The following SNTG1 variants were observed in gnomAD, a reference collection of about 807,000 sequenced individuals.
The protein encoded by SNTG1 is syntrophin gamma 1.
SNTG1 carries 39 observed loss-of-function variants against 74.7 expected under a neutral mutation model. That is an observed-to-expected ratio of 0.52 (90% confidence interval 0.40 to 0.68). The LOEUF (loss-of-function observed/expected upper bound fraction) is 0.68, where lower values mean the gene tolerates loss of function less well. Ranked by LOEUF, SNTG1 falls within the 30% of genes least tolerant of loss-of-function variation. SNTG1 has a pLI of 0.00. For synonymous variants in SNTG1, 254 were observed against 217.1 expected (o/e 1.17, Z -1.49); for missense variants, 685 against 609.5 (o/e 1.12, Z -1.30).
intron 9 of SNTG1, among the ~76,000 whole-genome samples, chr8:50,513,162 G>T (rs1223204275): frequency 6.6e-6 from 1 of 152,170 alleles, no homozygotes; most frequent in Non-Finnish European, 1.5e-5. Flanking sequence ...CTGGTCTGTT[G>T]GAGTTTGCTG....
chr8:50,610,094 A>G lies in SNTG1; in HGVS notation c.849+19177A>G, dbSNP rs189512164. Among the ~76,000 whole-genome samples, 221 of 152,150 alleles carry G rather than the reference A, an allele frequency of 1.5e-3. 2 individuals are homozygous for G. Among genetic ancestry groups the G allele is most frequent in the Middle Eastern group, 0.01 (3 of 294 alleles). On this transcript the variant is annotated intron_variant, in intron 13 of 18. Coordinates refer to ENST00000642720, the MANE Select transcript of SNTG1 (RefSeq NM_018967.5). The stretch of plus-strand genomic sequence containing the variant: ...AGATAATAAACGTTACCAATTCTGG[A>G]TTTTTGTCTGAAAATTTTTAATTGT...
intron 1 of SNTG1, among the ~76,000 whole-genome samples, chr8:49,916,329 G>A (rs1806030374): frequency 6.6e-6 from 1 of 152,080 alleles, no homozygotes; most frequent in African/African-American, 2.4e-5. Flanking sequence ...TCACCGTGAA[G>A]TTTCTTCAGC....
At chr8:50,390,251 A>G (rs1410860453) in intron 2 of SNTG1, among the ~76,000 whole-genome samples, 2 of 152,166 alleles carry the variant, frequency 1.3e-5, no homozygotes, top group Non-Finnish European at 2.9e-5. Flanking sequence ...ATCTTGAATT[A>G]ATTTTTGTAT....
At chr8:50,001,069 T>C (rs2130446051) in intron 1 of SNTG1, among the ~76,000 whole-genome samples, 1 of 152,178 alleles carries the variant, frequency 6.6e-6, no homozygotes, top group Non-Finnish European at 1.5e-5. Flanking sequence ...GGGAAAAGAG[T>C]CCAGGGTGAG....
intron 1 of SNTG1, among the ~76,000 whole-genome samples, chr8:50,075,793 G>A (rs1034427836): frequency 6.6e-6 from 1 of 152,018 alleles, no homozygotes; most frequent in African/African-American, 2.4e-5. Context: ...CTCCAGACGC[G>A]CCGCCTTAAG....
intron 12 of SNTG1, among the ~76,000 whole-genome samples, chr8:50,581,163 A>G (rs1007314828): frequency 7.9e-5 from 12 of 152,328 alleles, no homozygotes; most frequent in African/African-American, 2.9e-4. Flanking sequence ...AGCACATAAA[A>G]TTATAAGAAT....
At chr8:50,348,682 C>G (rs988807661) in intron 2 of SNTG1, among the ~76,000 whole-genome samples, 1 of 152,138 alleles carries the variant, frequency 6.6e-6, no homozygotes, top group African/African-American at 2.4e-5. Flanking sequence ...TAAAACCTTG[C>G]AAGCATATGA....
rs568367945 is a variant in SNTG1, at chr8:50,145,232, G to T, written c.-102-27329G>T. On this transcript the variant is annotated intron_variant, in intron 1 of 18. Coordinates refer to ENST00000642720, the MANE Select transcript of SNTG1 (RefSeq NM_018967.5). ...AGGGATTGAGGAGACTCTTCATCGA[G>T]TGCTAGTGGAGACAATGACTATAGA... 8.5e-5 allele frequency among the ~76,000 whole-genome samples: 13 copies of T among 152,250 alleles called. 1 individual carries two copies. The highest frequency in any genetic ancestry group is 2.9e-4 in the African/African-American group (12 of 41,554).
At chr8:50,758,198 G>T (rs769864723) in intron 18 of SNTG1, among the ~76,000 whole-genome samples, 1 of 151,754 alleles carries the variant, frequency 6.6e-6, no homozygotes, top group African/African-American at 2.4e-5. Flanking sequence ...AATCATAGTT[G>T]TTTCAAATGC....
At chr8:50,252,806 G>A (rs918496400) in intron 2 of SNTG1, among the ~76,000 whole-genome samples, 15 of 152,160 alleles carry the variant, frequency 9.9e-5, no homozygotes, top group African/African-American at 3.1e-4. Flanking sequence ...CAGGCCCTAC[G>A]TCCAACATTG....
chr8:50,689,218 T>C (rs1339614503), intron 15 of SNTG1, among the ~76,000 whole-genome samples: 1 of 152,158 alleles, frequency 6.6e-6, no homozygotes, highest in African/African-American at 2.4e-5. Flanking sequence ...TGACTTCCTC[T>C]TTTCCTAATT....
At chr8:50,504,024 T>C (rs929659913) in intron 9 of SNTG1, among the ~76,000 whole-genome samples, 4 of 152,100 alleles carry the variant, frequency 2.6e-5, no homozygotes, top group African/African-American at 9.7e-5. Context: ...ACAGTGTGTG[T>C]GGTTCTCCTC....
At chr8:49,923,822 G>A (rs1165284712) in intron 1 of SNTG1, among the ~76,000 whole-genome samples, 1 of 152,144 alleles carries the variant, frequency 6.6e-6, no homozygotes, top group Non-Finnish European at 1.5e-5. Flanking sequence ...TGAACAAGGA[G>A]ATCATTTATA....
chr8:50,629,343 C>A lies in SNTG1; in HGVS notation c.850-27566C>A, dbSNP rs956904899. 3.9e-5 allele frequency among the ~76,000 whole-genome samples: 6 copies of A among 152,008 alleles called. No individual in the cohort carries two copies. In the South Asian group the frequency reaches 1.2e-3, roughly 32 times the overall value. On this transcript the variant is annotated intron_variant, in intron 13 of 18. Transcript: ENST00000642720. ...AATAATATTTTCTGTTCGTCATCTC[C>A]TTTATGTTGTAGTAAGTTTACATAG...
intron 1 of SNTG1, among the ~76,000 whole-genome samples, chr8:50,087,325 A>G (rs1457320044): frequency 2.0e-5 from 3 of 152,162 alleles, no homozygotes; most frequent in African/African-American, 7.2e-5. Context: ...CTAGTGCTCA[A>G]TTACCCCTCG....
intron 13 of SNTG1, among the ~76,000 whole-genome samples, chr8:50,598,085 TG>T (rs1171908383): frequency 6.6e-6 from 1 of 151,936 alleles, no homozygotes; most frequent in Non-Finnish European, 1.5e-5. Flanking sequence ...CAATCCCATT[TG>T]TCTATTTTTG....
intron 1 of SNTG1, among the ~76,000 whole-genome samples, chr8:49,958,111 G>A (rs1341390376): frequency 6.6e-6 from 1 of 152,086 alleles, no homozygotes; most frequent in Non-Finnish European, 1.5e-5. Flanking sequence ...TAAATGTGGA[G>A]ACCACGAAAT....
chr8:50,781,768 G>A (rs962762068), intron 18 of SNTG1, among the ~76,000 whole-genome samples: 1 of 152,128 alleles, frequency 6.6e-6, no homozygotes. Context: ...TGGTTATTGT[G>A]CGCGTTCGTT....
chr8:50,213,118 A>G (rs889799135), intron 2 of SNTG1, among the ~76,000 whole-genome samples: 1 of 152,170 alleles, frequency 6.6e-6, no homozygotes, highest in African/African-American at 2.4e-5. Flanking sequence ...GACACACATC[A>G]TCACTTATCG....
Sources: gnomAD v4.1 joint callset for allele counts (sites outside exome capture counted in the v4.1 genomes callset) on GRCh38, gnomAD v4.1.1 for gene constraint, MANE v1.5 for transcripts, NCBI Gene and HGNC (gene_info 2026-07-23, HGNC 2026-07-21) for gene names.